RGS7: variants seen among roughly 807,000 people sequenced by gnomAD.
RGS7 encodes regulator of G protein signaling 7.
In RGS7, 27 loss-of-function variants were observed where a neutral mutation model predicts 81.1. The ratio of observed to expected loss-of-function variants is 0.33; its 90% CI spans 0.25 to 0.46. The LOEUF (loss-of-function observed/expected upper bound fraction) is 0.46, where lower values mean the gene tolerates loss of function less well. RGS7 is among the 20% of genes least tolerant of loss of function. RGS7 has a pLI of 1.00. For synonymous variants in RGS7, 208 were observed against 207.7 expected (o/e 1.00, Z -0.01); for missense variants, 396 against 607.4 (o/e 0.65, Z 3.66).
chr1:241,152,453 G>A (rs1190191878), intron 2 of RGS7, among the ~76,000 whole-genome samples: 1 of 152,148 alleles, frequency 6.6e-6, no homozygotes, highest in Non-Finnish European at 1.5e-5. Flanking sequence ...CAATAATTGG[G>A]AGCTTCATCA....
intron 3 of RGS7, among the ~76,000 whole-genome samples, chr1:241,022,644 G>A (rs2059598205): frequency 1.3e-5 from 2 of 152,016 alleles, no homozygotes; most frequent in South Asian, 2.1e-4. Context: ...CAGCACTCCC[G>A]ACTTTCTGAC....
At chr1:241,056,173 C>T (rs2061469290) in intron 3 of RGS7, among the ~76,000 whole-genome samples, 1 of 152,202 alleles carries the variant, frequency 6.6e-6, no homozygotes, top group African/African-American at 2.4e-5. Context: ...AAGCTCACCC[C>T]TGCCTCAGGA....
At chr1:240,981,099 T>G (rs1006301376) in intron 4 of RGS7, among the ~76,000 whole-genome samples, 1 of 151,640 alleles carries the variant, frequency 6.6e-6, no homozygotes, top group African/African-American at 2.4e-5. Flanking sequence ...CACCTTCAGG[T>G]TTTTTTTGTT....
At chr1:241,202,011 GACACACACACAC>G (rs60399497) in intron 2 of RGS7, among the ~76,000 whole-genome samples, 27 of 145,066 alleles carry the variant, frequency 1.9e-4, no homozygotes, top group Non-Finnish European at 2.1e-4. Context: ...GACACACACA[GACACACACACAC>G]ACACACACAC....
chr1:240,953,000 T>A (rs979687230), intron 4 of RGS7, among the ~76,000 whole-genome samples: 79 of 151,870 alleles, frequency 5.2e-4, no homozygotes, highest in Non-Finnish European at 1.0e-3. Flanking sequence ...AACAATAAAT[T>A]GATTATGAAG....
At chr1:240,795,890 A>C (rs12049199) in intron 18 of RGS7, among the ~76,000 whole-genome samples, 1 of 152,010 alleles carries the variant, frequency 6.6e-6, no homozygotes, top group Admixed American at 6.5e-5. Flanking sequence ...AGAGAGGGTC[A>C]TCTAGAGGTG....
chr1:240,840,409 G>A (rs187391426), intron 9 of RGS7, among the ~76,000 whole-genome samples: 35 of 152,206 alleles, frequency 2.3e-4, no homozygotes, highest in African/African-American at 7.7e-4. Context: ...GAGTAGCTGG[G>A]ACTACAGGCA....
intron 3 of RGS7, among the ~76,000 whole-genome samples, chr1:241,092,408 G>C (rs1042156449): frequency 3.9e-5 from 6 of 152,136 alleles, no homozygotes; most frequent in Non-Finnish European, 4.4e-5. Flanking sequence ...GTTATAGTTT[G>C]CTTTACCAAA....
Position 241,031,377 on chromosome 1 carries a change from T to C in RGS7, c.176-48248A>G, listed in dbSNP as rs556534434. Among the ~76,000 whole-genome samples, 24 of 152,364 alleles carry C rather than the reference T, an allele frequency of 1.6e-4. No individual in the cohort carries two copies. In the South Asian group the frequency reaches 4.8e-3, roughly 30 times the overall value. ...CATATTTTCTTTCTCCAGTCATTCC[T>C]TGATAGATGCTTAGGTTGATTACAT... On this transcript the variant is annotated intron_variant, in intron 3 of 18. Coordinates refer to ENST00000440928, the MANE Select transcript of RGS7 (RefSeq NM_001364886.1).
chr1:240,786,602 A>G (rs1228703387), intron 18 of RGS7, among the ~76,000 whole-genome samples: 1 of 152,208 alleles, frequency 6.6e-6, no homozygotes, highest in Non-Finnish European at 1.5e-5. Context: ...ATATATATGT[A>G]CACACACACA....
intron 2 of RGS7, among the ~76,000 whole-genome samples, chr1:241,185,516 T>C (rs936543290): frequency 4.6e-5 from 7 of 152,316 alleles, no homozygotes; most frequent in African/African-American, 1.7e-4. Flanking sequence ...TAGAATATTC[T>C]ACTCAACAAG....
chr1:241,256,041 C>T (rs951170625), intron 2 of RGS7, among the ~76,000 whole-genome samples: 3 of 152,046 alleles, frequency 2.0e-5, no homozygotes, highest in Non-Finnish European at 2.9e-5. Context: ...TAAAACTGCA[C>T]ATAGATGAGG....
chr1:241,087,012 C>T (rs547388745), intron 3 of RGS7, among the ~76,000 whole-genome samples: 1 of 152,302 alleles, frequency 6.6e-6, no homozygotes, highest in East Asian at 1.9e-4. Flanking sequence ...GGGTTTACCT[C>T]TATTGTGGAA....
chr1:240,795,983 T>C (rs765799855), intron 18 of RGS7, among the ~76,000 whole-genome samples: 5 of 152,130 alleles, frequency 3.3e-5, no homozygotes, highest in African/African-American at 4.8e-5. Flanking sequence ...GACGGGGTCT[T>C]GCCATGTTGC....
At chr1:241,069,947 T>C (rs1350825561) in intron 3 of RGS7, among the ~76,000 whole-genome samples, 1 of 152,220 alleles carries the variant, frequency 6.6e-6, no homozygotes, top group Admixed American at 6.5e-5. Context: ...GGTATTGGTA[T>C]CCTCATTTTA....
rs79572280 is a variant in RGS7, at chr1:240,922,070, T to C, written c.385+8647A>G. ...AAAAAAATAAATCAAGGAAAAAGAA[T>C]AGAGATTTCAGGAAGAGACTTAGAC... On this transcript the variant is annotated intron_variant, in intron 6 of 18. Transcript: ENST00000440928. 5.2e-3 allele frequency among the ~76,000 whole-genome samples: 784 copies of C among 151,838 alleles called. 7 individuals carry two copies. Among genetic ancestry groups the C allele is most frequent in the African/African-American group, 0.018 (753 of 41,436 alleles).
chr1:241,032,915 T>A (rs72758827), intron 3 of RGS7, among the ~76,000 whole-genome samples: 4,684 of 152,280 alleles, frequency 0.031, 110 homozygotes, highest in South Asian at 0.044. Flanking sequence ...TAAGATCATA[T>A]TGTCAGCAAG....
chr1:241,097,853 C>T (rs2064391367), intron 3 of RGS7, among the ~76,000 whole-genome samples: 1 of 152,150 alleles, frequency 6.6e-6, no homozygotes, highest in Non-Finnish European at 1.5e-5. Context: ...TTTCCTCTCT[C>T]AGTCTCCTCA....
intron 2 of RGS7, among the ~76,000 whole-genome samples, chr1:241,276,541 G>A (rs1349027975): frequency 3.3e-5 from 5 of 152,166 alleles, no homozygotes; most frequent in African/African-American, 7.2e-5. Flanking sequence ...AAGGAGCAAC[G>A]ATGACAATCT....
Sources: gnomAD v4.1 joint callset for allele counts (sites outside exome capture counted in the v4.1 genomes callset) on GRCh38, gnomAD v4.1.1 for gene constraint, MANE v1.5 for transcripts, NCBI Gene and HGNC (gene_info 2026-07-23, HGNC 2026-07-21) for gene names.